Variants in NEDD9 observed in about 807,000 individuals in gnomAD.
NEDD9 encodes the protein neural precursor cell expressed, developmentally down-regulated 9.
NEDD9 carries 26 observed loss-of-function variants against 76.6 expected under a neutral mutation model. The ratio of observed to expected loss-of-function variants is 0.34; its 90% CI spans 0.25 to 0.47. The LOEUF (loss-of-function observed/expected upper bound fraction) is 0.47. Among genes scored for constraint, NEDD9 ranks in the 20% least tolerant of loss-of-function variants. The pLI is 1.00. For synonymous variants in NEDD9, 392 were observed against 414.2 expected (o/e 0.95, Z 0.65); for missense variants, 937 against 1,058.5 (o/e 0.89, Z 1.59).
At chr6:11,317,620 C>T (rs905091440) in intron 2 of NEDD9, among the ~76,000 whole-genome samples, 5 of 152,042 alleles carry the variant, frequency 3.3e-5, no homozygotes, top group East Asian at 1.9e-4. Flanking sequence ...TGGGGACAGG[C>T]GCCAACTGCC....
intron 3 of NEDD9, among the ~76,000 whole-genome samples, chr6:11,272,209 T>G (rs927860885): frequency 2.6e-5 from 4 of 152,202 alleles, no homozygotes; most frequent in African/African-American, 9.7e-5. Context: ...TTACTCATTA[T>G]GTGCAGAAAA....
At chr6:11,256,185 G>A (rs1760003321) in intron 3 of NEDD9, among the ~76,000 whole-genome samples, 1 of 152,164 alleles carries the variant, frequency 6.6e-6, no homozygotes, top group African/African-American at 2.4e-5. Flanking sequence ...GGGAATGTAG[G>A]CAGATTCACA....
intron 3 of NEDD9, among the ~76,000 whole-genome samples, chr6:11,296,980 C>G (rs140369609): frequency 0.033 from 5,055 of 152,290 alleles, 293 homozygotes; most frequent in African/African-American, 0.11. Flanking sequence ...CCACCCACCT[C>G]GGCCTCCCAA....
chr6:11,359,162 G>A (rs1444589397), intron 1 of NEDD9, among the ~76,000 whole-genome samples: 4 of 152,216 alleles, frequency 2.6e-5, no homozygotes, highest in African/African-American at 9.7e-5. Flanking sequence ...AAGGCTAGAG[G>A]GGTTACAGAG....
intron 3 of NEDD9, among the ~76,000 whole-genome samples, chr6:11,283,905 C>T (rs541444950): frequency 6.6e-6 from 1 of 152,074 alleles, no homozygotes; most frequent in Non-Finnish European, 1.5e-5. Flanking sequence ...CAGAGCCTTC[C>T]TGGGTTTGGA....
chr6:11,266,579 T>C (rs1269248233), intron 3 of NEDD9, among the ~76,000 whole-genome samples: 3 of 152,220 alleles, frequency 2.0e-5, no homozygotes, highest in African/African-American at 7.2e-5. Flanking sequence ...TTCTGGCCAC[T>C]GGAATTTTTA....
At position 11,196,827 on chromosome 6, in the gene NEDD9, C is replaced by T. The variant is rs115085208; in HGVS notation, c.460-3135G>A. On this transcript the variant is annotated intron_variant, in intron 2 of 6. Transcript: ENST00000379446. ...TAAATGCCAAGTCCAGTGCAGCAAT[C>T]CGCATTGTGACGTGTGGAAGATCAG... is the stretch of plus-strand genomic sequence containing the variant. 1.2e-3 allele frequency among the ~76,000 whole-genome samples: 183 copies of T among 152,198 alleles called. 1 individual carries two copies. The highest frequency in any genetic ancestry group is 4.2e-3 in the African/African-American group (175 of 41,528).
upstream of NEDD9, chr6:11,232,760 C>T (rs567684093): frequency 2.5e-4 from 337 of 1,323,156 alleles, 1 homozygote; most frequent in East Asian, 7.8e-3. Context: ...ATGCTCAGGC[C>T]CTGCCCACCC....
In NEDD9 at chr6:11,237,970, C is replaced by A. The variant is rs534007598; in HGVS notation, c.13-24243G>T. Reference sequence around the variant, plus strand: ...CTAGTTTGACATTAGTTTTTAAAAACAATCTACATATACCAAGCTTATTTC... The same window carrying A: ...CTAGTTTGACATTAGTTTTTAAAAAAAATCTACATATACCAAGCTTATTTC... On this transcript the variant is annotated intron_variant, in intron 3 of 3. Transcript: ENST00000397378. The surrounding 1 kb of genome is among the most constrained non-coding windows in gnomAD (Gnocchi z 4.9). Among the ~76,000 whole-genome samples, 1 of 152,280 alleles carries A rather than the reference C, an allele frequency of 6.6e-6. No homozygotes were observed. Among genetic ancestry groups the A allele is most frequent in the African/African-American group, 2.4e-5 (1 of 41,578 alleles).
chr6:11,218,269 G>A (rs1759032495), intron 1 of NEDD9, among the ~76,000 whole-genome samples: 1 of 151,716 alleles, frequency 6.6e-6, no homozygotes, highest in South Asian at 2.1e-4. Context: ...GGTTTGCTGT[G>A]TCTCTTCATG....
chr6:11,213,386 G>A lies in NEDD9; in HGVS notation c.354C>T (p.Tyr118=). The change falls in exon 2 of 7, where the codon TAC becomes TAT. Residue 118 remains tyrosine, a synonymous_variant. Transcript: ENST00000379446. This position sits in a 1 kb window ranked among gnomAD's most constrained non-coding sequence, Gnocchi z 5.4. ...GGGTGCCGTGGCCAGTGGGGACTTGGTAAATTCCCTGATTTTGGTAGGAAG... is the reference window on the plus strand; with the variant it reads ...GGGTGCCGTGGCCAGTGGGGACTTGATAAATTCCCTGATTTTGGTAGGAAG... ...VPPSYQNQGI[Y]QVPTGHGTQE... 1.9e-6 allele frequency: 3 copies of A among 1,613,954 alleles called. No individual in the cohort carries two copies. The highest frequency in any genetic ancestry group is 1.1e-5 in the South Asian group (1 of 91,070).
rs551072543 is a variant in NEDD9, at chr6:11,351,955, T to C, written c.-213-17394A>G. On this transcript the variant is annotated intron_variant, in intron 1 of 3. Coordinates refer to the NEDD9 transcript ENST00000397378. The stretch of plus-strand genomic sequence containing the variant: ...TTGAGGGTTGTGAGCAACACAGTCA[T>C]TGGGGAACACCAGATGGCTACTGAG... Among the ~76,000 whole-genome samples, 9 of 152,364 alleles carry C rather than the reference T, an allele frequency of 5.9e-5. No homozygotes were observed. In the South Asian group the frequency reaches 8.3e-4, roughly 14 times the overall value.
At position 11,370,258 on chromosome 6, in the gene NEDD9, C is replaced by A. The variant is rs1762838842; in HGVS notation, c.-214+11881G>T. On this transcript the variant is annotated intron_variant, in intron 1 of 3. Coordinates refer to the NEDD9 transcript ENST00000397378. This position sits in a 1 kb window ranked among gnomAD's most constrained non-coding sequence, Gnocchi z 4.2. Reference sequence around the variant, plus strand: ...GAAGCTCTGCTGACGTTTTCCTATGCTGAAGCAAGAAGTGAGGAACATTGT... The same window carrying A: ...GAAGCTCTGCTGACGTTTTCCTATGATGAAGCAAGAAGTGAGGAACATTGT... Among the ~76,000 whole-genome samples the A allele has an allele frequency of 6.6e-6, 1 of 152,206 alleles. No homozygotes were observed. Among genetic ancestry groups the A allele is most frequent in the African/African-American group, 2.4e-5 (1 of 41,452 alleles).
rs77948513 is a variant in NEDD9, at chr6:11,184,741, C to T, written c.*421G>A. On this transcript the variant is annotated 3_prime_UTR_variant, in exon 7 of 7. Coordinates refer to ENST00000379446, the MANE Select transcript of NEDD9 (RefSeq NM_006403.4). ...GCCAGGCTCAGAATCATCACAAGGA[C>T]GTGGAGAACAATATTATAACCAGCT... The T allele has an allele frequency of 1.1e-4, 18 of 159,580 alleles. No homozygotes were observed. Among genetic ancestry groups the T allele is most frequent in the African/African-American group, 2.9e-4 (12 of 41,500 alleles). 9.9% of individuals were successfully genotyped at this position (159,580 alleles called of 1,614,324 possible). A position where few individuals can be genotyped will look rare whatever the true frequency, so the allele number is the denominator to read the frequency against.
chr6:11,366,483 A>C (rs1203310359), intron 1 of NEDD9, among the ~76,000 whole-genome samples: 1 of 152,142 alleles, frequency 6.6e-6, no homozygotes, highest in Non-Finnish European at 1.5e-5. Context: ...AGAAGAAAGA[A>C]AAGGGATTTA....
intron 1 of NEDD9, among the ~76,000 whole-genome samples, chr6:11,344,334 A>G (rs946338284): frequency 8.5e-5 from 13 of 152,206 alleles, no homozygotes; most frequent in African/African-American, 3.1e-4. Flanking sequence ...GTTGTTGAAG[A>G]TGTTTATCCT....
At chr6:11,294,994 C>G (rs1174230096) in intron 3 of NEDD9, among the ~76,000 whole-genome samples, 1 of 152,244 alleles carries the variant, frequency 6.6e-6, no homozygotes, top group Non-Finnish European at 1.5e-5. Context: ...TTCCACTACA[C>G]AAGCTCTCTT....
At chr6:11,187,840 C>T (rs909411191) in intron 6 of NEDD9, among the ~76,000 whole-genome samples, 1 of 152,200 alleles carries the variant, frequency 6.6e-6, no homozygotes, top group Non-Finnish European at 1.5e-5. Flanking sequence ...TAGTTCTCCC[C>T]AGACCTGGCT....
chr6:11,249,854 G>A (rs113048527), intron 3 of NEDD9, among the ~76,000 whole-genome samples: 21 of 152,274 alleles, frequency 1.4e-4, no homozygotes, highest in East Asian at 5.8e-4. Context: ...CTGTTGGCTC[G>A]CGTGGGCTTC....
Sources: gnomAD v4.1 joint callset for allele counts (sites outside exome capture counted in the v4.1 genomes callset) on GRCh38, gnomAD v4.1.1 for gene constraint, Gnocchi (gnomAD v3.1) non-coding constraint, MANE v1.5 for transcripts, NCBI Gene and HGNC (gene_info 2026-07-23, HGNC 2026-07-21) for gene names.